The following SLC5A8 variants were observed in gnomAD, a reference collection of about 807,000 sequenced individuals.
SLC5A8 encodes the protein sodium-coupled monocarboxylate transporter 1.
In SLC5A8, 55 loss-of-function variants were observed where a neutral mutation model predicts 71.9. The observed-to-expected ratio is 0.77, with a 90% CI of 0.62 to 0.96. The LOEUF is 0.96. SLC5A8 is among the 40% of genes least tolerant of loss of function. The probability of loss-of-function intolerance (pLI) is 0.00; values close to 1 mark genes in which losing one functional copy is unlikely to be tolerated. For synonymous variants in SLC5A8, 307 were observed against 276.1 expected (o/e 1.11, Z -1.11); for missense variants, 701 against 745.3 (o/e 0.94, Z 0.69).
intron 12 of SLC5A8, among the ~76,000 whole-genome samples, chr12:101,165,904 C>T (rs1016326543): frequency 4.6e-5 from 7 of 152,300 alleles, no homozygotes; most frequent in Middle Eastern, 6.8e-3. Context: ...CTCACATTCA[C>T]TGTACAATAA....
chr12:101,171,036 C>T (rs909484523), intron 10 of SLC5A8, among the ~76,000 whole-genome samples: 6 of 152,226 alleles, frequency 3.9e-5, no homozygotes, highest in East Asian at 1.9e-4. Context: ...AGGATGGTGT[C>T]GTGGGCCAGA....
intron 10 of SLC5A8, among the ~76,000 whole-genome samples, chr12:101,171,888 A>G (rs1023123228): frequency 3.9e-5 from 6 of 152,200 alleles, no homozygotes; most frequent in African/African-American, 1.4e-4. Context: ...GCAAAAGAAC[A>G]CGGGCACACT....
At chr12:101,177,325 A>G (rs763163353) in intron 10 of SLC5A8, among the ~76,000 whole-genome samples, 1 of 152,092 alleles carries the variant, frequency 6.6e-6, no homozygotes, top group African/African-American at 2.4e-5. Context: ...CTACCAAATA[A>G]TTAAGGAAGA....
At chr12:101,192,013 G>A (rs1174051331) in intron 5 of SLC5A8, among the ~76,000 whole-genome samples, 1 of 152,142 alleles carries the variant, frequency 6.6e-6, no homozygotes, top group Non-Finnish European at 1.5e-5. Context: ...GGCCTACCAG[G>A]AAGAGATTTG....
At position 101,179,574 on chromosome 12, in the gene SLC5A8, G is replaced by T. The variant is rs183728785; in HGVS notation, c.1233+455C>A. Among the ~76,000 whole-genome samples, 668 of 152,268 alleles carry T rather than the reference G, an allele frequency of 4.4e-3. 9 individuals carry two copies. Among genetic ancestry groups the T allele is most frequent in the African/African-American group, 0.015 (633 of 41,552 alleles). On this transcript the variant is annotated intron_variant, in intron 10 of 14. Transcript: ENST00000536262. ...GTAATTCCATGTATGTAGCATTCTT[G>T]ACCTGGTAAAATTATAGAAATGGAA...
At chr12:101,190,340 T>C in intron 6 of SLC5A8, 128 bp downstream of exon 6, 1 of 1,024,450 alleles carries the variant, frequency 9.8e-7, no homozygotes, top group South Asian at 1.6e-5. Flanking sequence ...TGTAACCAAA[T>C]ATATCATTTA....
chr12:101,164,788 C>T (rs1035676294), intron 12 of SLC5A8, among the ~76,000 whole-genome samples: 4 of 152,136 alleles, frequency 2.6e-5, no homozygotes, highest in African/African-American at 7.2e-5. Flanking sequence ...TATTACTTAC[C>T]ACAATGCATG....
At chr12:101,200,009 C>CAAAAAAAAAAAAAAAAAAAAAAAAAA (rs1182463470) in intron 3 of SLC5A8, among the ~76,000 whole-genome samples, 1 of 9,640 alleles carries the variant, frequency 1.0e-4, no homozygotes. Flanking sequence ...GTACTACCAG[C>CAAAAAAAAAAAAAAAAAAAAAAAAAA]AAAAAAAAAA....
intron 12 of SLC5A8, among the ~76,000 whole-genome samples, chr12:101,162,494 G>A (rs2051733145): frequency 1.3e-5 from 2 of 152,256 alleles, no homozygotes; most frequent in South Asian, 4.1e-4. Flanking sequence ...AATCAACCTA[G>A]GTGCCCATCA....
intron 1 of SLC5A8, among the ~76,000 whole-genome samples, chr12:101,208,590 C>A (rs373158223): frequency 6.6e-6 from 1 of 152,176 alleles, no homozygotes; most frequent in East Asian, 1.9e-4. Context: ...TTTCAAAGCC[C>A]TTTCTTGCAG....
In SLC5A8 at chr12:101,190,551, G is replaced by T. The variant is rs771434274; in HGVS notation, c.750C>A (p.Thr250=). The change falls in exon 6 of 15, where the codon ACC becomes ACA. Residue 250 remains threonine (T), a synonymous_variant. Transcript: ENST00000536262. ...CACCGTAGATGCTGGTCCATGTGAA[G>T]GTCCCTCCTATAATAATTGTCCAGA... ...HTFWTIIIGG[T]FTWTSIYGVN... 2 of 1,612,996 alleles carry T rather than the reference G, an allele frequency of 1.2e-6. No individual in the cohort carries two copies. Among genetic ancestry groups the T allele is most frequent in the Non-Finnish European group, 1.7e-6 (2 of 1,179,630 alleles).
At chr12:101,173,606 C>T (rs1344000413) in intron 10 of SLC5A8, among the ~76,000 whole-genome samples, 1 of 152,242 alleles carries the variant, frequency 6.6e-6, no homozygotes, top group Non-Finnish European at 1.5e-5. Context: ...CAGGCTGGGG[C>T]ACACCCCTTG....
chr12:101,175,525 G>A (rs186001513), intron 10 of SLC5A8, among the ~76,000 whole-genome samples: 5 of 151,824 alleles, frequency 3.3e-5, no homozygotes, highest in South Asian at 2.1e-4. Flanking sequence ...AAAGAAACAC[G>A]TGCCAAGACA....
chr12:101,183,140 G>T (rs190181802), intron 8 of SLC5A8, among the ~76,000 whole-genome samples: 2 of 139,238 alleles, frequency 1.4e-5, no homozygotes, highest in African/African-American at 5.4e-5. Context: ...CTGCCTCCCG[G>T]GTTCACGCCA....
chr12:101,209,770 C>A lies in SLC5A8; in HGVS notation c.79G>T (p.Ala27Ser). 6.2e-7 allele frequency: 1 copy of A among 1,610,504 alleles called. No individual in the cohort carries two copies. Among genetic ancestry groups the A allele is most frequent in the South Asian group, 1.1e-5 (1 of 90,888 alleles). The change falls in exon 1 of 15, where the codon GCC becomes TCC. Residue 27 changes from alanine to serine, a missense_variant. Transcript: ENST00000536262. ...VFAGMLVISA[A>S]IGIYYAFAGG... is the part of the protein sequence containing the mutation. ...GCGAAGGCGTAGTAGATGCCGATGG[C>A]GGCCGAGATGACCAGCATGCCCGCG...
intron 7 of SLC5A8, 92 bp downstream of exon 7, chr12:101,187,293 GT>G (rs563036489): frequency 1.5e-6 from 2 of 1,359,382 alleles, no homozygotes; most frequent in Non-Finnish European, 1.9e-6. Flanking sequence ...TCCACTTTCC[GT>G]TTCTCTACAA....
chr12:101,158,497 C>A (rs905154438), intron 13 of SLC5A8, among the ~76,000 whole-genome samples, 169 bp from the exon 14 acceptor site: 2 of 148,134 alleles, frequency 1.4e-5, no homozygotes, highest in African/African-American at 4.9e-5. Flanking sequence ...CCGCAATTCC[C>A]CTTTCCTTAA....
rs2051673215 is a variant in SLC5A8, at chr12:101,157,216, A to G, written c.*63T>C. The G allele has an allele frequency of 6.4e-7, 1 of 1,574,082 alleles. No homozygotes were observed. Among genetic ancestry groups the G allele is most frequent in the Non-Finnish European group, 8.7e-7 (1 of 1,155,960 alleles). ...CACACACACAAAGAAAACCTGATCC[A>G]ATTATCTTAGAAAACATATAAAATT... On this transcript the variant is annotated 3_prime_UTR_variant, in exon 15 of 15. Coordinates refer to ENST00000536262, the MANE Select transcript of SLC5A8 (RefSeq NM_145913.5).
intron 13 of SLC5A8, among the ~76,000 whole-genome samples, chr12:101,158,803 G>T (rs1015239829): frequency 6.6e-6 from 1 of 150,634 alleles, no homozygotes; most frequent in Non-Finnish European, 1.5e-5. Flanking sequence ...TCAGACAGTG[G>T]AGCTGCTTTT....
Sources: allele counts gnomAD v4.1 joint callset (sites outside exome capture counted in the v4.1 genomes callset), GRCh38; gene constraint gnomAD v4.1.1; transcripts MANE v1.5; gene names NCBI Gene and HGNC (gene_info 2026-07-23, HGNC 2026-07-21).